Variants in PDXDC1 observed in about 807,000 individuals in gnomAD.
PDXDC1 encodes the protein pyridoxal dependent decarboxylase domain containing 1, also known as pyridoxal-dependent decarboxylase domain-containing protein 1.
Under a neutral mutation model 100.1 loss-of-function variants are expected in PDXDC1, and 42 were observed. The ratio of observed to expected loss-of-function variants is 0.42; its 90% CI spans 0.33 to 0.54. The LOEUF is 0.54. Among genes scored for constraint, PDXDC1 ranks in the 20% least tolerant of loss-of-function variants. The pLI is 0.10. For synonymous variants in PDXDC1, 260 were observed against 371.7 expected, an observed-to-expected ratio of 0.70 and a Z score of 3.46; for missense variants, 636 against 979.2, an observed-to-expected ratio of 0.65 and a Z score of 4.68.
intron 1 of PDXDC1, among the ~76,000 whole-genome samples, chr16:14,991,034 G>A (rs749409513): frequency 2.0e-5 from 3 of 152,404 alleles, no homozygotes; most frequent in Non-Finnish European, 4.4e-5. Flanking sequence ...GAGCCACTGC[G>A]CCCGGCCAGC....
intron 16 of PDXDC1, chr16:15,131,000 A>G: frequency 1.1e-6 from 1 of 883,952 alleles, no homozygotes; most frequent in Non-Finnish European, 1.8e-6. Context: ...AAATTTCACC[A>G]GAGACACCCA....
intron 8 of PDXDC1, among the ~76,000 whole-genome samples, chr16:15,013,365 A>G (rs1222870082): frequency 9.2e-5 from 14 of 151,548 alleles, no homozygotes; most frequent in African/African-American, 2.9e-4. Context: ...AAAAGAAAAA[A>G]AAAAAAAAAG....
At chr16:15,130,406 G>C (rs758718441) in intron 16 of PDXDC1, 2 of 1,565,966 alleles carry the variant, frequency 1.3e-6, no homozygotes, top group East Asian at 2.3e-5. Context: ...CCGACAGGCG[G>C]AAGTGGCTGG....
At chr16:15,012,322 C>T (rs1343822707) in intron 8 of PDXDC1, among the ~76,000 whole-genome samples, 1 of 152,218 alleles carries the variant, frequency 6.6e-6, no homozygotes, top group Non-Finnish European at 1.5e-5. Flanking sequence ...CCAGGCTGGT[C>T]TTGAACTCCT....
At chr16:15,024,723 A>G (rs1244798597) in intron 13 of PDXDC1, among the ~76,000 whole-genome samples, 3 of 152,272 alleles carry the variant, frequency 2.0e-5, no homozygotes, top group Non-Finnish European at 4.4e-5. Context: ...CCCAGTCCCA[A>G]TTCTTCTCAT....
chr16:15,145,503 GGCCTGACAGAA>G, the PDXDC1 span, among the ~76,000 whole-genome samples: 1 of 152,254 alleles, frequency 6.6e-6, no homozygotes, highest in African/African-American at 2.4e-5. Flanking sequence ...TTTCCGAGGT[GGCCTGACAGAA>G]GCCAGCCTGT....
chr16:15,041,567 G>C (rs958500069), downstream of PDXDC1: 46 of 1,233,494 alleles, frequency 3.7e-5, no homozygotes, highest in African/African-American at 6.2e-4. Flanking sequence ...GCAAGACTGG[G>C]GACAAAACGG....
chr16:15,049,480 G>C (rs2044214145), intron 16 of PDXDC1, among the ~76,000 whole-genome samples: 1 of 151,780 alleles, frequency 6.6e-6, no homozygotes, highest in African/African-American at 2.4e-5. Flanking sequence ...CCAGGCTGGA[G>C]TGCAGTGGCG....
downstream of PDXDC1, among the ~76,000 whole-genome samples, chr16:15,040,717 C>T (rs150479665): frequency 6.6e-6 from 1 of 152,212 alleles, no homozygotes; most frequent in East Asian, 1.9e-4. Flanking sequence ...CTTCCTCCCC[C>T]AGAGCACTGG....
chr16:15,089,363 A>G (rs1398597501), intron 16 of PDXDC1, among the ~76,000 whole-genome samples: 1 of 152,152 alleles, frequency 6.6e-6, no homozygotes, highest in East Asian at 1.9e-4. Flanking sequence ...ACACAAATAT[A>G]TTAGGACACA....
chr16:15,117,679 GGA>G (rs1177238485), intron 16 of PDXDC1, among the ~76,000 whole-genome samples: 6 of 117,734 alleles, frequency 5.1e-5, no homozygotes, highest in Non-Finnish European at 8.9e-5. Context: ...GGCAACAGAG[GGA>G]GACTCGTCTT....
chr16:15,038,875 G>A (rs1277220276), downstream of PDXDC1, among the ~76,000 whole-genome samples: 1 of 152,156 alleles, frequency 6.6e-6, no homozygotes, highest in Non-Finnish European at 1.5e-5. Flanking sequence ...CACACTGTGG[G>A]GCACGCACGA....
intron 1 of PDXDC1, among the ~76,000 whole-genome samples, chr16:14,985,621 A>G (rs543691750): frequency 2.6e-4 from 39 of 152,374 alleles, no homozygotes; most frequent in African/African-American, 8.9e-4. Flanking sequence ...TTTTTTGAAA[A>G]GTTGAGAGTT....
At chr16:15,046,128 G>A (rs1293888123) in intron 16 of PDXDC1, 2 of 152,344 alleles carry the variant, frequency 1.3e-5, no homozygotes, top group East Asian at 3.9e-4. Context: ...AAGATGATAG[G>A]AAAATGAAAA....
rs377715255 is a variant in PDXDC1, at chr16:15,009,762, A to G, written c.727+3A>G. The G allele has an allele frequency of 6.2e-7, 1 of 1,613,946 alleles. No homozygotes were observed. Among genetic ancestry groups the G allele is most frequent in the East Asian group, 2.2e-5 (1 of 44,886 alleles). The stretch of plus-strand genomic sequence containing the variant: ...CCTGTTGCTTGTCGCAAATGCAGGT[A>G]GGTAGCATGATGCTGAATCTACCAT... On this transcript the variant is annotated splice_donor_region_variant and intron_variant, in intron 8 of 22. Coordinates refer to ENST00000396410, the MANE Select transcript of PDXDC1 (RefSeq NM_015027.4).
At chr16:15,094,361 G>T in intron 16 of PDXDC1, 2 of 843,140 alleles carry the variant, frequency 2.4e-6, no homozygotes, top group Non-Finnish European at 3.8e-6. Context: ...CGTGGGGAGG[G>T]CGTATGCTCT....
rs368834397 is a variant in PDXDC1, at chr16:15,022,696, A to G, written c.1090-8A>G. Reference sequence around the variant, plus strand: ...CTAATTACATGTGTTATTTTTTGTCATTTGCAGAGTCAACGGTTGCAGGAA... The same window carrying G: ...CTAATTACATGTGTTATTTTTTGTCGTTTGCAGAGTCAACGGTTGCAGGAA... On this transcript the variant is annotated splice_polypyrimidine_tract_variant and splice_region_variant and intron_variant, in intron 12 of 22. Transcript: ENST00000396410. The G allele has an allele frequency of 1.2e-4, 199 of 1,612,062 alleles. No individual in the cohort carries two copies. The highest frequency in any genetic ancestry group is 1.6e-4 in the Non-Finnish European group (188 of 1,179,052).
chr16:15,028,264 C>G (rs899812748), intron 14 of PDXDC1, among the ~76,000 whole-genome samples: 1 of 152,290 alleles, frequency 6.6e-6, no homozygotes, highest in African/African-American at 2.4e-5. Context: ...ACACACATTT[C>G]TCTCTTCTGG....
intron 16 of PDXDC1, among the ~76,000 whole-genome samples, chr16:15,046,805 G>A (rs1443223170): frequency 6.7e-6 from 1 of 150,044 alleles, no homozygotes; most frequent in Non-Finnish European, 1.5e-5. Flanking sequence ...AGTCCACAAA[G>A]TCAAGGCTGC....
Sources: gnomAD v4.1 joint callset for allele counts (sites outside exome capture counted in the v4.1 genomes callset) on GRCh38, gnomAD v4.1.1 for gene constraint, MANE v1.5 for transcripts, NCBI Gene and HGNC (gene_info 2026-07-23, HGNC 2026-07-21) for gene names.